Variants in FER1L6 observed in about 807,000 individuals in gnomAD.
The protein encoded by FER1L6 is fer-1 like family member 6.
Under a neutral mutation model 219.2 loss-of-function variants are expected in FER1L6, and 177 were observed. The ratio of observed to expected loss-of-function variants is 0.81; its 90% confidence interval spans 0.71 to 0.91. FER1L6 has a LOEUF of 0.91. Ranked by LOEUF, FER1L6 falls within the 40% of genes least tolerant of loss-of-function variation. The pLI is 0.00. For missense variants in FER1L6, 2,153 were observed against 2,259.9 expected (o/e 0.95, Z 0.96); for synonymous variants, 768 against 824.3 (o/e 0.93, Z 1.17).
At chr8:123,870,641 A>C (rs1434264857) in intron 1 of FER1L6, among the ~76,000 whole-genome samples, 2 of 152,216 alleles carry the variant, frequency 1.3e-5, no homozygotes, top group African/African-American at 4.8e-5. Context: ...ACAGTTGCCA[A>C]GGGCTTGGGA....
At chr8:123,898,568 A>G (rs1015191837) in intron 1 of FER1L6, among the ~76,000 whole-genome samples, 3 of 150,662 alleles carry the variant, frequency 2.0e-5, no homozygotes, top group Admixed American at 6.6e-5. Flanking sequence ...CATTTAGTTA[A>G]TAGTCTCCAA....
At chr8:123,967,144 C>T (rs765618980) in intron 5 of FER1L6, among the ~76,000 whole-genome samples, 7 of 151,238 alleles carry the variant, frequency 4.6e-5, no homozygotes, top group African/African-American at 7.3e-5. Context: ...AAAAGTATAA[C>T]GATATAGAGT....
intron 6 of FER1L6, among the ~76,000 whole-genome samples, chr8:123,970,433 T>A (rs1157034662): frequency 6.6e-6 from 1 of 152,190 alleles, no homozygotes; most frequent in Non-Finnish European, 1.5e-5. Flanking sequence ...TGTTTTTTTT[T>A]AAATCAGGCA....
intron 1 of FER1L6, among the ~76,000 whole-genome samples, chr8:123,905,235 TC>T (rs1812930641): frequency 6.6e-6 from 1 of 152,022 alleles, no homozygotes; most frequent in Non-Finnish European, 1.5e-5. Context: ...ATACTCTCCC[TC>T]CCCCCAACAC....
At chr8:123,939,006 C>T (rs1434571961) in intron 1 of FER1L6, among the ~76,000 whole-genome samples, 1 of 152,144 alleles carries the variant, frequency 6.6e-6, no homozygotes, top group Non-Finnish European at 1.5e-5. Flanking sequence ...GCTTTTTTTG[C>T]CTGCTTTTCA....
At chr8:123,877,957 C>T (rs879353319) in intron 1 of FER1L6, among the ~76,000 whole-genome samples, 7 of 152,142 alleles carry the variant, frequency 4.6e-5, no homozygotes, top group Non-Finnish European at 8.8e-5. Flanking sequence ...GGGGAGAGAG[C>T]TCTATAGAAA....
intron 33 of FER1L6, among the ~76,000 whole-genome samples, chr8:124,086,340 T>G: frequency 6.6e-6 from 1 of 152,280 alleles, no homozygotes; most frequent in East Asian, 1.9e-4. Flanking sequence ...TCTTGCTTTT[T>G]TATTTTTTGT....
chr8:123,852,562 G>A lies in FER1L6; in HGVS notation c.-8+377G>A, dbSNP rs1475675942. ...AAGAAGAGAGACTGGTAAAATTTTGGGGGATTATAGAGACAAAAAGCATGA... is the reference window on the plus strand; with the variant it reads ...AAGAAGAGAGACTGGTAAAATTTTGAGGGATTATAGAGACAAAAAGCATGA... On this transcript the variant is annotated intron_variant, in intron 1 of 40. Coordinates refer to ENST00000522917, the MANE Select transcript of FER1L6 (RefSeq NM_001039112.2). The surrounding 1 kb of genome is among the most constrained non-coding windows in gnomAD (Gnocchi z 4.9). Among the ~76,000 whole-genome samples the A allele has an allele frequency of 1.3e-5, 2 of 151,662 alleles. No individual in the cohort carries two copies. Among genetic ancestry groups the A allele is most frequent in the African/African-American group, 2.4e-5 (1 of 41,254 alleles).
At chr8:123,872,097 C>T (rs1169777404) in intron 1 of FER1L6, among the ~76,000 whole-genome samples, 1 of 151,988 alleles carries the variant, frequency 6.6e-6, no homozygotes, top group East Asian at 1.9e-4. Flanking sequence ...TCTCACATGG[C>T]AGGAGTGAGA....
At chr8:123,900,157 G>T (rs1812831287) in intron 1 of FER1L6, among the ~76,000 whole-genome samples, 1 of 151,960 alleles carries the variant, frequency 6.6e-6, no homozygotes, top group African/African-American at 2.4e-5. Flanking sequence ...TGTTTGTGTG[G>T]TCTATGATTT....
intron 22 of FER1L6, among the ~76,000 whole-genome samples, chr8:124,056,904 C>T (rs4410885): frequency 0.82 from 124,217 of 152,064 alleles, 50,951 homozygotes; most frequent in Non-Finnish European, 0.86. Context: ...ATTAGCTGGG[C>T]GCGGTGGCGT....
chr8:123,883,183 T>A (rs1270916420), intron 1 of FER1L6, among the ~76,000 whole-genome samples: 1 of 152,122 alleles, frequency 6.6e-6, no homozygotes, highest in Admixed American at 6.5e-5. Context: ...AGCCTTCTGG[T>A]CAGAAGGATG....
At chr8:123,912,497 T>G (rs1563682130) in intron 1 of FER1L6, among the ~76,000 whole-genome samples, 1 of 152,110 alleles carries the variant, frequency 6.6e-6, no homozygotes. Flanking sequence ...CATATACACA[T>G]TCACAGATAT....
chr8:124,015,611 ATATATT>A (rs1818166472), intron 15 of FER1L6, among the ~76,000 whole-genome samples: 1 of 127,890 alleles, frequency 7.8e-6, no homozygotes, highest in South Asian at 2.4e-4. Flanking sequence ...ATATATATAT[ATATATT>A]ACTCCTGCTG....
At chr8:123,985,651 A>G (rs1816538684) in intron 11 of FER1L6, 1 of 160,630 alleles carries the variant, frequency 6.2e-6, no homozygotes, top group African/African-American at 2.4e-5. Context: ...TGTGTAAGCC[A>G]TAAAGTTGTG....
intron 5 of FER1L6, among the ~76,000 whole-genome samples, chr8:123,967,391 C>T (rs1815596337): frequency 6.6e-6 from 1 of 152,196 alleles, no homozygotes. Context: ...TTTTGCCTTC[C>T]TGGCTGAAGA....
chr8:124,063,963 T>C (rs953769030), intron 25 of FER1L6, among the ~76,000 whole-genome samples: 4 of 152,180 alleles, frequency 2.6e-5, no homozygotes, highest in South Asian at 2.1e-4. Flanking sequence ...GGCGGCTTCA[T>C]GGCTCTCTGG....
intron 1 of FER1L6, among the ~76,000 whole-genome samples, chr8:123,923,941 G>GAAAAAAAAAAAAAAAAAA (rs60137127): frequency 1.1e-5 from 1 of 94,780 alleles, no homozygotes; most frequent in Non-Finnish European, 2.2e-5. Context: ...CTCCAACTAA[G>GAAAAAAAAAAAAAAAAAA]AAAAAAAAAA....
At chr8:124,007,577 T>C (rs75202096) in intron 13 of FER1L6, among the ~76,000 whole-genome samples, 1 of 152,348 alleles carries the variant, frequency 6.6e-6, no homozygotes, top group East Asian at 1.9e-4. Context: ...TTTTCTGTCA[T>C]CTCTCTCACA....
Sources: allele counts gnomAD v4.1 joint callset (sites outside exome capture counted in the v4.1 genomes callset), GRCh38; gene constraint gnomAD v4.1.1; non-coding constraint Gnocchi (gnomAD v3.1); transcripts MANE v1.5; gene names NCBI Gene and HGNC (gene_info 2026-07-23, HGNC 2026-07-21).